The following DYM variants were observed in gnomAD, a reference collection of about 807,000 sequenced individuals.
DYM encodes dymeclin.
Under a neutral mutation model 93.1 loss-of-function variants are expected in DYM, and 78 were observed. The observed-to-expected ratio is 0.84, with a 90% CI of 0.70 to 1.01. The LOEUF (loss-of-function observed/expected upper bound fraction) is 1.01. DYM is among the 50% of genes least tolerant of loss of function. The pLI is 0.00. For synonymous variants in DYM, 321 were observed against 319.7 expected (o/e 1.00, Z -0.04); for missense variants, 789 against 845.0 (o/e 0.93, Z 0.82).
chr18:49,317,591 CT>C (rs1568235939), intron 8 of DYM, among the ~76,000 whole-genome samples: 12 of 11,020 alleles, frequency 1.1e-3, no homozygotes, highest in African/African-American at 5.8e-3. Flanking sequence ...CTCTCTCTCT[CT>C]CTCTCCCCCC....
rs193172149 is a variant in DYM at position 49,283,294 on chromosome 18, A to T, written c.947-1119T>A. Among the ~76,000 whole-genome samples, 21 of 152,328 alleles carry T rather than the reference A, an allele frequency of 1.4e-4. No individual in the cohort carries two copies. In the East Asian group the frequency reaches 3.9e-3, roughly 28 times the overall value. ...GGTTGGGGGCCATCTGCGTATATTC[A>T]ACATTAGGTTCTATAATCAAAAGAG... On this transcript the variant is annotated intron_variant, in intron 9 of 17. Coordinates refer to ENST00000675505, the MANE Select transcript of DYM (RefSeq NM_001353214.3).
rs191104148 is a variant in DYM, at chr18:49,217,774, C to T, written c.1461-8059G>A. Among the ~76,000 whole-genome samples the T allele has an allele frequency of 4.0e-3, 611 of 152,292 alleles. 2 individuals carry two copies. Among genetic ancestry groups the T allele is most frequent in the Non-Finnish European group, 6.2e-3 (424 of 68,014 alleles). ...AGGAAGCACTAAACATGGAAAGGAA[C>T]AAACCGTACCACCCACTGCAAAAAC... On this transcript the variant is annotated intron_variant, in intron 13 of 17. Coordinates refer to ENST00000675505, the MANE Select transcript of DYM (RefSeq NM_001353214.3).
chr18:49,044,763 C>T (rs2071252686), intron 17 of DYM, among the ~76,000 whole-genome samples: 1 of 152,228 alleles, frequency 6.6e-6, no homozygotes, highest in Non-Finnish European at 1.5e-5. Context: ...GTCTCTTCCT[C>T]CCTGGAGGCA....
intron 15 of DYM, among the ~76,000 whole-genome samples, chr18:49,124,221 G>A (rs1441850361): frequency 6.6e-6 from 1 of 152,154 alleles, no homozygotes; most frequent in Non-Finnish European, 1.5e-5. Context: ...ATAGAAACTT[G>A]AGGCTGGGTA....
chr18:49,228,206 T>G (rs893780216), intron 13 of DYM, among the ~76,000 whole-genome samples: 1 of 152,184 alleles, frequency 6.6e-6, no homozygotes, highest in Non-Finnish European at 1.5e-5. Flanking sequence ...TAATGTTCCA[T>G]ATTCAATGAT....
intron 13 of DYM, among the ~76,000 whole-genome samples, chr18:49,252,944 A>G (rs1701878): frequency 1 from 151,629 of 152,324 alleles, 75,474 homozygotes; most frequent in Middle Eastern, 1. Context: ...TTACAAAGTT[A>G]AGCAAAACTC....
At chr18:49,453,857 T>C (rs2082741491) in intron 1 of DYM, among the ~76,000 whole-genome samples, 1 of 152,166 alleles carries the variant, frequency 6.6e-6, no homozygotes, top group Non-Finnish European at 1.5e-5. Flanking sequence ...TCTGTGGAAG[T>C]CATGAAGGGA....
At chr18:49,295,444 T>C (rs1283155700) in intron 8 of DYM, among the ~76,000 whole-genome samples, 5 of 152,200 alleles carry the variant, frequency 3.3e-5, no homozygotes, top group Non-Finnish European at 5.9e-5. Context: ...TTTCAGGTCA[T>C]ATCCTTAAAA....
intron 15 of DYM, among the ~76,000 whole-genome samples, chr18:49,151,204 G>C (rs2085778056): frequency 6.6e-6 from 1 of 152,148 alleles, no homozygotes; most frequent in South Asian, 2.1e-4. Context: ...AATATCTTAA[G>C]TCTAGATAAA....
At chr18:49,111,548 A>T (rs908429540) in intron 16 of DYM, among the ~76,000 whole-genome samples, 15 of 152,184 alleles carry the variant, frequency 9.9e-5, no homozygotes, top group African/African-American at 3.6e-4. Context: ...GAGCTGATTC[A>T]CTCAGAAGGT....
At chr18:49,294,542 T>C (rs371277974) in intron 8 of DYM, among the ~76,000 whole-genome samples, 1 of 152,114 alleles carries the variant, frequency 6.6e-6, no homozygotes. Context: ...GACTGAAGAC[T>C]ACTTATCCTT....
intron 8 of DYM, among the ~76,000 whole-genome samples, chr18:49,302,021 T>A (rs1278705949): frequency 1.3e-5 from 2 of 152,210 alleles, no homozygotes; most frequent in Admixed American, 1.3e-4. Flanking sequence ...AAATTCCATT[T>A]AAAAATAATG....
chr18:49,291,311 G>C (rs1324206695), intron 8 of DYM, among the ~76,000 whole-genome samples: 1 of 152,108 alleles, frequency 6.6e-6, no homozygotes, highest in African/African-American at 2.4e-5. Context: ...AGTTCAGTGT[G>C]AACATCTGTT....
At chr18:49,458,334 A>T (rs960421743) in intron 1 of DYM, among the ~76,000 whole-genome samples, 2 of 143,632 alleles carry the variant, frequency 1.4e-5, no homozygotes, top group African/African-American at 5.4e-5. Flanking sequence ...CCATATTAAT[A>T]AAAAAAAAAG....
intron 15 of DYM, among the ~76,000 whole-genome samples, chr18:49,122,981 A>G (rs1333558407): frequency 3.3e-5 from 5 of 152,170 alleles, no homozygotes; most frequent in East Asian, 3.8e-4. Flanking sequence ...TTTAATGACT[A>G]TATTTTTCAT....
chr18:49,262,110 G>A (rs1353261162), intron 11 of DYM, among the ~76,000 whole-genome samples: 1 of 152,132 alleles, frequency 6.6e-6, no homozygotes, highest in Non-Finnish European at 1.5e-5. Context: ...GATTAATGTG[G>A]ACTCTAGGTC....
chr18:49,296,673 T>G lies in DYM; in HGVS notation c.764-10057A>C, dbSNP rs371244408. On this transcript the variant is annotated intron_variant, in intron 8 of 17. Transcript: ENST00000675505. Reference sequence around the variant, plus strand: ...GGTTGATGGACTTTTTACTAAATGTTTAGATTCAACCAAGAATGCCATTCT... The same window carrying G: ...GGTTGATGGACTTTTTACTAAATGTGTAGATTCAACCAAGAATGCCATTCT... Among the ~76,000 whole-genome samples, 45 of 152,312 alleles carry G rather than the reference T, an allele frequency of 3.0e-4. 3 individuals are homozygous for G. The highest frequency in any genetic ancestry group is 1.5e-3 in the Admixed American group (23 of 15,296).
chr18:49,408,203 T>C (rs1189080454), intron 2 of DYM, among the ~76,000 whole-genome samples: 1 of 152,248 alleles, frequency 6.6e-6, no homozygotes, highest in Non-Finnish European at 1.5e-5. Context: ...TATAACTGGC[T>C]TTAACTACTT....
At chr18:49,210,398 T>C (rs1173920358) in intron 13 of DYM, among the ~76,000 whole-genome samples, 6 of 152,114 alleles carry the variant, frequency 3.9e-5, no homozygotes, top group Non-Finnish European at 8.8e-5. Flanking sequence ...AGCTATGAAG[T>C]CATGAAAAGA....
Sources: gnomAD v4.1 joint callset for allele counts (sites outside exome capture counted in the v4.1 genomes callset) on GRCh38, gnomAD v4.1.1 for gene constraint, MANE v1.5 for transcripts, NCBI Gene and HGNC (gene_info 2026-07-23, HGNC 2026-07-21) for gene names.